KIF26B: variants seen among roughly 807,000 people sequenced by gnomAD.
KIF26B encodes the protein kinesin family member 26B, also known as kinesin-like protein KIF26B.
A neutral mutation model predicts 151.2 loss-of-function variants in KIF26B; 63 were observed. The observed-to-expected ratio is 0.42, with a 90% confidence interval of 0.34 to 0.51. KIF26B has a LOEUF of 0.51. Ranked by LOEUF, KIF26B falls within the 20% of genes least tolerant of loss-of-function variation. The pLI, the probability that KIF26B is intolerant of heterozygous loss-of-function variation, is 0.07. For synonymous variants in KIF26B, 1,357 were observed against 1,262.1 expected (o/e 1.08, Z -1.59); for missense variants, 2,813 against 2,913.6 (o/e 0.97, Z 0.79).
intron 10 of KIF26B, among the ~76,000 whole-genome samples, chr1:245,662,328 G>GAT (rs144630134): frequency 0.58 from 83,701 of 144,998 alleles, 24,050 homozygotes; most frequent in Middle Eastern, 0.63. Context: ...CACACCTAAT[G>GAT]ATATATACAC....
Position 245,318,137 on chromosome 1 carries a change from C to G in KIF26B, c.466-48697C>G, listed in dbSNP as rs962041499. ...GCCTCTGTTGCAAGGACTGAGAACT[C>G]TGAGGAGATCTAGGAGATCCCTAAG... On this transcript the variant is annotated intron_variant, in intron 2 of 14. Transcript: ENST00000407071. The surrounding 1 kb of genome is among the most constrained non-coding windows in gnomAD (Gnocchi z 4.0). 6.6e-6 allele frequency among the ~76,000 whole-genome samples: 1 copy of G among 152,170 alleles called. No homozygotes were observed. The highest frequency in any genetic ancestry group is 2.4e-5 in the African/African-American group (1 of 41,438).
At chr1:245,370,084 GT>G (rs1304979260) in intron 3 of KIF26B, among the ~76,000 whole-genome samples, 1 of 152,144 alleles carries the variant, frequency 6.6e-6, no homozygotes, top group African/African-American at 2.4e-5. Flanking sequence ...ACATGAGGAA[GT>G]TTAAATGAGA....
At chr1:245,545,130 C>G (rs530715587) in intron 5 of KIF26B, among the ~76,000 whole-genome samples, 139 of 147,528 alleles carry the variant, frequency 9.4e-4, no homozygotes, top group African/African-American at 3.0e-3. Context: ...GAGACAGAGT[C>G]TCACTCTGTC....
chr1:245,390,073 T>A (rs1057196979), intron 3 of KIF26B, among the ~76,000 whole-genome samples: 1 of 152,044 alleles, frequency 6.6e-6, no homozygotes, highest in African/African-American at 2.4e-5. Flanking sequence ...GCAAAGGCAA[T>A]GATGGATAAA....
At chr1:245,380,912 T>G (rs1673392810) in intron 3 of KIF26B, among the ~76,000 whole-genome samples, 1 of 146,414 alleles carries the variant, frequency 6.8e-6, no homozygotes, top group Non-Finnish European at 1.5e-5. Flanking sequence ...GGTGGGGAGG[T>G]TGGTGGGGTT....
intron 2 of KIF26B, among the ~76,000 whole-genome samples, chr1:245,337,123 G>C (rs1285654538): frequency 6.6e-6 from 1 of 151,048 alleles, no homozygotes; most frequent in East Asian, 1.9e-4. Flanking sequence ...GATGTGGAGA[G>C]CATTTAGAAG....
intron 2 of KIF26B, among the ~76,000 whole-genome samples, chr1:245,347,121 C>T (rs1672471787): frequency 6.6e-6 from 1 of 152,168 alleles, no homozygotes; most frequent in Non-Finnish European, 1.5e-5. Context: ...CAGTTTATGA[C>T]CATTAACTTC....
At chr1:245,464,376 TGTGTAG>T (rs1410763740) in intron 4 of KIF26B, among the ~76,000 whole-genome samples, 1 of 151,468 alleles carries the variant, frequency 6.6e-6, no homozygotes, top group African/African-American at 2.4e-5. Context: ...TGTGTGGGTG[TGTGTAG>T]GTGTGTGTGT....
chr1:245,351,254 G>A (rs1371422650), intron 2 of KIF26B, among the ~76,000 whole-genome samples: 1 of 152,178 alleles, frequency 6.6e-6, no homozygotes, highest in Non-Finnish European at 1.5e-5. Context: ...ACCTGGGTGG[G>A]CCCTTTTTGG....
chr1:245,318,371 A>C lies in KIF26B; in HGVS notation c.466-48463A>C, dbSNP rs1671820031. ...ACGAGGGAAGAAGAAGATTCTGGAA[A>C]GGGAGAATTCTGCCAGCACCAACCT... is the stretch of plus-strand genomic sequence containing the variant. On this transcript the variant is annotated intron_variant, in intron 2 of 14. Coordinates refer to ENST00000407071, the MANE Select transcript of KIF26B (RefSeq NM_018012.4). This position sits in a 1 kb window ranked among gnomAD's most constrained non-coding sequence, Gnocchi z 4.0. Among the ~76,000 whole-genome samples, 1 of 152,198 alleles carries C rather than the reference A, an allele frequency of 6.6e-6. No homozygotes were observed. The highest frequency in any genetic ancestry group is 1.5e-5 in the Non-Finnish European group (1 of 68,040).
chr1:245,484,389 C>A (rs561553172), intron 4 of KIF26B, among the ~76,000 whole-genome samples: 2 of 151,924 alleles, frequency 1.3e-5, no homozygotes, highest in East Asian at 3.9e-4. Flanking sequence ...AGTAAAGGGG[C>A]CTGATTGTGA....
chr1:245,476,024 T>A (rs889861589), intron 4 of KIF26B, among the ~76,000 whole-genome samples: 4 of 151,884 alleles, frequency 2.6e-5, no homozygotes, highest in Non-Finnish European at 4.4e-5. Flanking sequence ...CTATCCCTGA[T>A]GCATGAATAA....
At chr1:245,570,112 A>G (rs1240280122) in intron 5 of KIF26B, among the ~76,000 whole-genome samples, 1 of 150,944 alleles carries the variant, frequency 6.6e-6, no homozygotes, top group Admixed American at 6.6e-5. Flanking sequence ...ATTTTTTTGT[A>G]TTTTTAGTAG....
intron 10 of KIF26B, among the ~76,000 whole-genome samples, chr1:245,656,522 C>T (rs1026633292): frequency 1.1e-4 from 17 of 152,202 alleles, no homozygotes; most frequent in African/African-American, 3.9e-4. Flanking sequence ...GTGTCATAAC[C>T]AGAAACAAAA....
chr1:245,505,912 A>G (rs1203760001), intron 4 of KIF26B, among the ~76,000 whole-genome samples: 1 of 152,156 alleles, frequency 6.6e-6, no homozygotes, highest in African/African-American at 2.4e-5. Flanking sequence ...GTGTCTTTAA[A>G]TGATTAAGGA....
chr1:245,172,822 C>G (rs1479736926), intron 2 of KIF26B, among the ~76,000 whole-genome samples: 1 of 152,028 alleles, frequency 6.6e-6, no homozygotes, highest in Non-Finnish European at 1.5e-5. Flanking sequence ...AAAACAAAAA[C>G]AAAAACAAAA....
intron 3 of KIF26B, among the ~76,000 whole-genome samples, chr1:245,400,184 G>C (rs1233421368): frequency 6.6e-6 from 1 of 152,160 alleles, no homozygotes; most frequent in East Asian, 1.9e-4. Flanking sequence ...ATATTTCACT[G>C]TGGTCTGTAT....
At chr1:245,254,578 GGAGATTT>G (rs1201068043) in intron 2 of KIF26B, among the ~76,000 whole-genome samples, 1 of 152,160 alleles carries the variant, frequency 6.6e-6, no homozygotes, top group Non-Finnish European at 1.5e-5. Context: ...AGATACTTGT[GGAGATTT>G]CCAAAAGTGC....
At chr1:245,462,010 G>C (rs912758747) in intron 4 of KIF26B, among the ~76,000 whole-genome samples, 4 of 152,150 alleles carry the variant, frequency 2.6e-5, no homozygotes, top group African/African-American at 9.7e-5. Context: ...GTGCATGCCT[G>C]TAGTCCCAGG....
Sources: gnomAD v4.1 joint callset for allele counts (sites outside exome capture counted in the v4.1 genomes callset) on GRCh38, gnomAD v4.1.1 for gene constraint, Gnocchi (gnomAD v3.1) non-coding constraint, MANE v1.5 for transcripts, NCBI Gene and HGNC (gene_info 2026-07-23, HGNC 2026-07-21) for gene names.